NPAS3: variants seen among roughly 807,000 people sequenced by gnomAD.
NPAS3 encodes neuronal PAS domain-containing protein 3.
In NPAS3, 14 loss-of-function variants were observed where a neutral mutation model predicts 73.1. The observed-to-expected ratio is 0.19, with a 90% CI of 0.13 to 0.30. NPAS3 has a LOEUF of 0.30. NPAS3 is among the 10% of genes least tolerant of loss of function. NPAS3 has a pLI of 1.00. For synonymous variants in NPAS3, 620 were observed against 541.5 expected (o/e 1.14, Z -2.01); for missense variants, 1,096 against 1,250.0 (o/e 0.88, Z 1.86).
In NPAS3 at chr14:33,628,381, A is replaced by C. The variant is rs2140124502; in HGVS notation, c.559-47830A>C. On this transcript the variant is annotated intron_variant, in intron 5 of 11. Coordinates refer to ENST00000356141, the Ensembl canonical transcript of NPAS3. ...GGTTGGAGAACTGTGAAGAAAATGT[A>C]AAGTCAATGAAGAAGGTAGCATTTG... Among the ~76,000 whole-genome samples, 2 of 152,350 alleles carry C rather than the reference A, an allele frequency of 1.3e-5. 1 individual carries two copies. Among genetic ancestry groups the C allele is most frequent in the Non-Finnish European group, 2.9e-5 (2 of 68,030 alleles).
chr14:33,390,107 A>T (rs1394439762), intron 4 of NPAS3, among the ~76,000 whole-genome samples: 1 of 152,194 alleles, frequency 6.6e-6, no homozygotes, highest in African/African-American at 2.4e-5. Context: ...GATGGGAAGG[A>T]TTGTGCTAAG....
intron 3 of NPAS3, among the ~76,000 whole-genome samples, chr14:33,353,002 A>G (rs1282063933): frequency 6.6e-6 from 1 of 152,188 alleles, no homozygotes; most frequent in African/African-American, 2.4e-5. Flanking sequence ...AGGAGAGCTA[A>G]GGGGAGCAAG....
At chr14:33,431,788 A>G (rs1470617650) in intron 4 of NPAS3, among the ~76,000 whole-genome samples, 2 of 152,062 alleles carry the variant, frequency 1.3e-5, no homozygotes, top group Non-Finnish European at 2.9e-5. Context: ...GAACTCCCAA[A>G]TTAAGAACAT....
chr14:33,529,173 T>G (rs542043673), intron 4 of NPAS3, among the ~76,000 whole-genome samples: 1 of 152,238 alleles, frequency 6.6e-6, no homozygotes, highest in East Asian at 1.9e-4. Context: ...GCCACCACAC[T>G]GTAGAGTCAT....
intron 6 of NPAS3, among the ~76,000 whole-genome samples, chr14:33,734,496 A>G (rs563587144): frequency 6.6e-6 from 1 of 152,258 alleles, no homozygotes; most frequent in Admixed American, 6.5e-5. Context: ...AAGAGAGAAA[A>G]TCATTATTTC....
chr14:33,006,373 C>T (rs1285150165), intron 1 of NPAS3, among the ~76,000 whole-genome samples: 1 of 152,148 alleles, frequency 6.6e-6, no homozygotes. Flanking sequence ...ATCCTGCATC[C>T]ACCCTGGACT....
At chr14:33,792,876 C>T (rs890225046) in intron 9 of NPAS3, among the ~76,000 whole-genome samples, 3 of 152,228 alleles carry the variant, frequency 2.0e-5, no homozygotes, top group African/African-American at 7.2e-5. Context: ...AGTGGCCAGC[C>T]AGCCGGTGAG....
chr14:33,207,110 G>A (rs1263745252), intron 2 of NPAS3, among the ~76,000 whole-genome samples: 1 of 152,182 alleles, frequency 6.6e-6, no homozygotes, highest in Admixed American at 6.5e-5. Flanking sequence ...CTTTCTCACT[G>A]TATTAGCTTC....
At chr14:32,947,998 C>T (rs995668094) in intron 1 of NPAS3, among the ~76,000 whole-genome samples, 1 of 152,136 alleles carries the variant, frequency 6.6e-6, no homozygotes, top group Non-Finnish European at 1.5e-5. Flanking sequence ...CCAGCTGCTA[C>T]TATAACCTGC....
rs181124773 is a variant in NPAS3 at position 33,602,776 on chromosome 14, T to C, written c.558+42566T>C. Among the ~76,000 whole-genome samples the C allele has an allele frequency of 1.7e-3, 258 of 152,306 alleles. 1 individual carries two copies. Among genetic ancestry groups the C allele is most frequent in the Non-Finnish European group, 2.7e-3 (187 of 68,034 alleles). On this transcript the variant is annotated intron_variant, in intron 5 of 11. Transcript: ENST00000356141. ...ACTTATCCTGACAGTAGATAATAGA[T>C]GCCACTTATTCAGCAGGCCTTGATT...
intron 1 of NPAS3, among the ~76,000 whole-genome samples, chr14:32,981,125 G>A (rs2037879867): frequency 6.6e-6 from 1 of 152,070 alleles, no homozygotes; most frequent in Non-Finnish European, 1.5e-5. Context: ...TCCAGGTTTG[G>A]CATTTCTCCT....
intron 2 of NPAS3, among the ~76,000 whole-genome samples, chr14:33,069,626 G>T (rs1319044769): frequency 6.6e-6 from 1 of 152,130 alleles, no homozygotes; most frequent in Non-Finnish European, 1.5e-5. Flanking sequence ...GCTGATGATA[G>T]TATCTCATAG....
chr14:33,052,667 A>C (rs1017173128), intron 1 of NPAS3, among the ~76,000 whole-genome samples: 2 of 152,194 alleles, frequency 1.3e-5, no homozygotes, highest in Admixed American at 6.5e-5. Flanking sequence ...TAATACTGCC[A>C]GCAAGGGGAG....
Position 32,946,342 on chromosome 14 carries a change from A to ACG in NPAS3, c.50+6977_50+6978insGC, listed in dbSNP as rs1555374385. On this transcript the variant is annotated intron_variant, in intron 1 of 11. Transcript: ENST00000356141. ...ACTCCCCCATCCCCCCAACACACAC[A>ACG]CACGCGCACACACACACACACACAC... Among the ~76,000 whole-genome samples, 53 of 89,476 alleles carry ACG rather than the reference A, an allele frequency of 5.9e-4. 1 individual carries two copies. The highest frequency in any genetic ancestry group is 1.5e-3 in the African/African-American group (41 of 28,226). 58.7% of individuals were successfully genotyped at this position (89,476 alleles called of 152,430 possible).
intron 4 of NPAS3, among the ~76,000 whole-genome samples, chr14:33,421,282 A>G (rs2048349024): frequency 6.6e-6 from 1 of 151,928 alleles, no homozygotes; most frequent in Admixed American, 6.6e-5. Context: ...ATCCCAATAA[A>G]GGTGTGTCTT....
intron 4 of NPAS3, among the ~76,000 whole-genome samples, chr14:33,467,672 G>A (rs914881308): frequency 6.6e-6 from 1 of 152,204 alleles, no homozygotes; most frequent in Admixed American, 6.5e-5. Flanking sequence ...TAGGCAAAGC[G>A]GCAGTGCCCT....
At chr14:33,392,867 T>G (rs997660767) in intron 4 of NPAS3, among the ~76,000 whole-genome samples, 1 of 152,122 alleles carries the variant, frequency 6.6e-6, no homozygotes, top group Non-Finnish European at 1.5e-5. Flanking sequence ...TGTCTTCCCA[T>G]TCATAAAATG....
chr14:33,803,567 C>T (rs1446035406), downstream of NPAS3: 1 of 152,074 alleles, frequency 6.6e-6, no homozygotes, highest in African/African-American at 2.4e-5. Flanking sequence ...AGGAATGCAC[C>T]TATCAGCTAC....
chr14:33,570,803 A>G (rs2056176097), intron 5 of NPAS3, among the ~76,000 whole-genome samples: 1 of 152,206 alleles, frequency 6.6e-6, no homozygotes. Context: ...CACTTAGAAC[A>G]CCTGGGGCGG....
Sources: gnomAD v4.1 joint callset for allele counts (sites outside exome capture counted in the v4.1 genomes callset) on GRCh38, gnomAD v4.1.1 for gene constraint, MANE v1.5 for transcripts, NCBI Gene and HGNC (gene_info 2026-07-23, HGNC 2026-07-21) for gene names.